Variants in ADAM12 observed in about 807,000 individuals in gnomAD.
The protein encoded by ADAM12 is ADAM metallopeptidase domain 12, also known as disintegrin and metalloproteinase domain-containing protein 12.
Under a neutral mutation model 106.4 loss-of-function variants are expected in ADAM12, and 70 were observed. The observed-to-expected ratio is 0.66, with a 90% CI of 0.54 to 0.80. The LOEUF (loss-of-function observed/expected upper bound fraction) is 0.80, where lower values mean the gene tolerates loss of function less well. Among genes scored for constraint, ADAM12 ranks in the 30% least tolerant of loss-of-function variants. The probability of loss-of-function intolerance (pLI) is 0.00; values close to 1 mark genes in which losing one functional copy is unlikely to be tolerated. For synonymous variants in ADAM12, 420 were observed against 433.5 expected (o/e 0.97, Z 0.39); for missense variants, 1,010 against 1,171.9 (o/e 0.86, Z 2.02).
intron 21 of ADAM12, among the ~76,000 whole-genome samples, chr10:126,021,031 C>T (rs1358353233): frequency 2.0e-5 from 3 of 151,166 alleles, no homozygotes; most frequent in African/African-American, 7.3e-5. Context: ...ACACATGCCC[C>T]TTTTTTTCGT....
intron 3 of ADAM12, among the ~76,000 whole-genome samples, chr10:126,250,189 A>G (rs1426542705): frequency 1.3e-5 from 2 of 152,182 alleles, no homozygotes; most frequent in Non-Finnish European, 2.9e-5. Context: ...ATAATCCCAG[A>G]GTATATAAAC....
chr10:126,310,456 G>C (rs530900386), intron 2 of ADAM12, among the ~76,000 whole-genome samples: 1 of 152,252 alleles, frequency 6.6e-6, no homozygotes, highest in South Asian at 2.1e-4. Flanking sequence ...AGAGAAGCAA[G>C]GTATTTACCA....
At chr10:126,252,450 C>T (rs1434767600) in intron 3 of ADAM12, among the ~76,000 whole-genome samples, 2 of 152,130 alleles carry the variant, frequency 1.3e-5, no homozygotes, top group East Asian at 1.9e-4. Context: ...GGCCCGAACA[C>T]CAAGGGAGCT....
At chr10:126,320,543 A>G (rs1854060683) in intron 2 of ADAM12, among the ~76,000 whole-genome samples, 1 of 152,212 alleles carries the variant, frequency 6.6e-6, no homozygotes, top group Non-Finnish European at 1.5e-5. Flanking sequence ...CTACTTATTG[A>G]GTGATTATTA....
chr10:126,152,666 C>G (rs1412658987), intron 4 of ADAM12, among the ~76,000 whole-genome samples: 2 of 151,630 alleles, frequency 1.3e-5, no homozygotes, highest in Non-Finnish European at 1.5e-5. Context: ...GGGTGTGAAT[C>G]CTGTAAAAAT....
intron 11 of ADAM12, among the ~76,000 whole-genome samples, chr10:126,074,679 G>C (rs1565036158): frequency 6.6e-6 from 1 of 152,146 alleles, no homozygotes; most frequent in East Asian, 1.9e-4. Flanking sequence ...TTCTCATTTA[G>C]AATCATGCAT....
intron 11 of ADAM12, among the ~76,000 whole-genome samples, chr10:126,082,387 T>TTTTTTTTTTGTTTTTTA (rs1427154316): frequency 6.8e-6 from 1 of 148,118 alleles, no homozygotes; most frequent in Non-Finnish European, 1.5e-5. Context: ...TTTTTTTTTT[T>TTTTTTTTTTGTTTTTTA]ATGTGGAGTT....
At chr10:126,150,167 T>G (rs1372621548) in intron 4 of ADAM12, among the ~76,000 whole-genome samples, 3 of 152,246 alleles carry the variant, frequency 2.0e-5, no homozygotes, top group Non-Finnish European at 4.4e-5. Flanking sequence ...GTGGTATTTC[T>G]AAGATCTCTC....
intron 4 of ADAM12, among the ~76,000 whole-genome samples, chr10:126,144,388 C>T (rs534715045): frequency 2.0e-5 from 3 of 152,240 alleles, no homozygotes; most frequent in East Asian, 1.9e-4. Flanking sequence ...ATCTGGAATA[C>T]GAACATAAAT....
At chr10:126,073,756 G>A (rs1160521094) in intron 11 of ADAM12, among the ~76,000 whole-genome samples, 3 of 152,212 alleles carry the variant, frequency 2.0e-5, no homozygotes, top group Admixed American at 6.5e-5. Context: ...CTCTGTGGAT[G>A]CAAAGGCAAC....
intron 5 of ADAM12, among the ~76,000 whole-genome samples, chr10:126,121,115 A>ATATAG (rs1565073910): frequency 2.2e-4 from 15 of 69,716 alleles, no homozygotes; most frequent in Non-Finnish European, 3.3e-4. Flanking sequence ...TATATAGTAT[A>ATATAG]TATATAGTAT....
In ADAM12 at chr10:126,211,986, G is replaced by A. The variant is rs540864781; in HGVS notation, c.261-56681C>T. Among the ~76,000 whole-genome samples the A allele has an allele frequency of 2.6e-5, 4 of 152,342 alleles. No homozygotes were observed. In the South Asian group the frequency reaches 6.2e-4, roughly 24 times the overall value. ...GCAGTTGTGAAGTCCAGAGTGGGAG[G>A]CAGAATGTGGGTGATGGGGAGGGAA... is the stretch of plus-strand genomic sequence containing the variant. On this transcript the variant is annotated intron_variant, in intron 3 of 22. Coordinates refer to ENST00000448723, the MANE Select transcript of ADAM12 (RefSeq NM_001288973.2).
intron 3 of ADAM12, among the ~76,000 whole-genome samples, chr10:126,168,100 C>G (rs538060954): frequency 6.6e-6 from 1 of 152,150 alleles, no homozygotes; most frequent in Non-Finnish European, 1.5e-5. Flanking sequence ...TTAACTGAAC[C>G]TCATGTACAA....
chr10:126,187,693 G>A (rs754638594), intron 3 of ADAM12, among the ~76,000 whole-genome samples: 6 of 152,258 alleles, frequency 3.9e-5, no homozygotes, highest in Non-Finnish European at 7.3e-5. Flanking sequence ...CGGAGCTGCA[G>A]GGTGGGCACA....
At chr10:126,098,884 T>C (rs895873184) in intron 9 of ADAM12, among the ~76,000 whole-genome samples, 3 of 152,252 alleles carry the variant, frequency 2.0e-5, no homozygotes, top group African/African-American at 7.2e-5. Context: ...GATGGTTTAC[T>C]AGATTTTCAC....
intron 1 of ADAM12, among the ~76,000 whole-genome samples, chr10:126,382,846 C>T (rs1423556328): frequency 6.6e-6 from 1 of 152,120 alleles, no homozygotes; most frequent in Non-Finnish European, 1.5e-5. Context: ...AGCAATTTTA[C>T]ATCCATTACA....
At chr10:126,318,514 ACACT>A (rs1853969887) in intron 2 of ADAM12, among the ~76,000 whole-genome samples, 1 of 151,744 alleles carries the variant, frequency 6.6e-6, no homozygotes, top group South Asian at 2.1e-4. Flanking sequence ...TCTCTCACAC[ACACT>A]CATTCTAACA....
intron 1 of ADAM12, among the ~76,000 whole-genome samples, chr10:126,366,814 A>C (rs1855928390): frequency 6.6e-6 from 1 of 152,164 alleles, no homozygotes; most frequent in Non-Finnish European, 1.5e-5. Context: ...TGTGGGACAG[A>C]AATTACTACC....
chr10:126,329,514 A>T (rs185327616), intron 2 of ADAM12, among the ~76,000 whole-genome samples: 139 of 152,320 alleles, frequency 9.1e-4, no homozygotes, highest in African/African-American at 3.2e-3. Context: ...TTGTATATTC[A>T]ATTTGCAACA....
Sources: gnomAD v4.1 joint callset for allele counts (sites outside exome capture counted in the v4.1 genomes callset) on GRCh38, gnomAD v4.1.1 for gene constraint, MANE v1.5 for transcripts, NCBI Gene and HGNC (gene_info 2026-07-23, HGNC 2026-07-21) for gene names.